LARS2: variants seen among roughly 807,000 people sequenced by gnomAD.
LARS2 encodes leucyl-tRNA synthetase 2, mitochondrial.
Under a neutral mutation model 116.6 loss-of-function variants are expected in LARS2, and 81 were observed. The observed-to-expected ratio is 0.69, with a 90% CI of 0.58 to 0.84. LARS2 has a LOEUF of 0.84. Ranked by LOEUF, LARS2 falls within the 40% of genes least tolerant of loss-of-function variation. The probability of loss-of-function intolerance (pLI) is 0.00; values close to 1 mark genes in which losing one functional copy is unlikely to be tolerated. For missense variants in LARS2, 968 were observed against 1,114.5 expected (o/e 0.87, Z 1.87); for synonymous variants, 396 against 407.2 (o/e 0.97, Z 0.33).
chr3:45,536,389 G>A (rs902569390), intron 20 of LARS2, among the ~76,000 whole-genome samples: 6 of 152,200 alleles, frequency 3.9e-5, no homozygotes, highest in East Asian at 1.9e-4. Context: ...GATTATAGGC[G>A]TGAGCCACCA....
rs145900417 is a variant in LARS2, at chr3:45,491,896, C to T, written c.1523+96C>T. On this transcript the variant is annotated intron_variant, in intron 13 of 21. Coordinates refer to ENST00000645846, the MANE Select transcript of LARS2 (RefSeq NM_015340.4). ...CCTCCCTCCTGGTGCTAACTCTGCT[C>T]CCTTTTTCCCTGACTTCCATGAGGC... 6.3e-4 allele frequency: 748 copies of T among 1,183,056 alleles called. 2 individuals carry two copies. In the Middle Eastern group the frequency reaches 0.013, roughly 20 times the overall value. 73.3% of individuals were successfully genotyped at this position (1,183,056 alleles called of 1,614,324 possible). A position where few individuals can be genotyped will look rare whatever the true frequency, so the allele number is the denominator to read the frequency against.
At chr3:45,495,964 A>G (rs953526035) in intron 13 of LARS2, among the ~76,000 whole-genome samples, 4 of 151,952 alleles carry the variant, frequency 2.6e-5, no homozygotes, top group Non-Finnish European at 4.4e-5. Flanking sequence ...GGTTCAAGCC[A>G]TTCTCCTACC....
chr3:45,539,411 G>A (rs917126089), intron 20 of LARS2, among the ~76,000 whole-genome samples: 1 of 152,056 alleles, frequency 6.6e-6, no homozygotes, highest in Non-Finnish European at 1.5e-5. Flanking sequence ...CAGGCGGATC[G>A]CTTGAGGCCA....
intron 6 of LARS2, among the ~76,000 whole-genome samples, chr3:45,443,373 G>A (rs570367618): frequency 9.9e-5 from 15 of 152,280 alleles, no homozygotes; most frequent in Admixed American, 7.8e-4. Flanking sequence ...AGCTGTTTTT[G>A]TTTTGCTTTG....
At chr3:45,507,726 A>G (rs1020877644) in intron 15 of LARS2, among the ~76,000 whole-genome samples, 1 of 152,134 alleles carries the variant, frequency 6.6e-6, no homozygotes, top group African/African-American at 2.4e-5. Flanking sequence ...ACAAGCACAT[A>G]TATACACATA....
At chr3:45,514,260 C>G (rs1700337753) in intron 16 of LARS2, among the ~76,000 whole-genome samples, 1 of 151,888 alleles carries the variant, frequency 6.6e-6, no homozygotes, top group Admixed American at 6.6e-5. Flanking sequence ...TACATAGGGA[C>G]AGCTGTGAGA....
At chr3:45,471,040 T>TAAAAAAAAA (rs55749404) in intron 8 of LARS2, among the ~76,000 whole-genome samples, 4 of 43,854 alleles carry the variant, frequency 9.1e-5, no homozygotes, top group Admixed American at 2.9e-4. Context: ...ATTACAACAC[T>TAAAAAAAAA]AAAAAAAAAA....
chr3:45,438,683 AT>A (rs1698847637), intron 6 of LARS2, among the ~76,000 whole-genome samples: 2 of 109,506 alleles, frequency 1.8e-5, no homozygotes, highest in South Asian at 3.1e-4. Flanking sequence ...AAAAAAAAAA[AT>A]TTTAGCCAGG....
At chr3:45,513,053 C>A in intron 15 of LARS2, 82 bp from the exon 16 acceptor site, 1 of 932,988 alleles carries the variant, frequency 1.1e-6, no homozygotes, top group Non-Finnish European at 1.8e-6. Flanking sequence ...TTCTGCCCAT[C>A]CGAGGGAAGG....
At chr3:45,508,233 A>C (rs1410010943) in intron 15 of LARS2, among the ~76,000 whole-genome samples, 1 of 152,090 alleles carries the variant, frequency 6.6e-6, no homozygotes, top group South Asian at 2.1e-4. Context: ...TGAGAAGGGC[A>C]GGCCGCCTGC....
chr3:45,469,987 G>A (rs1345628322), intron 8 of LARS2, among the ~76,000 whole-genome samples: 1 of 152,098 alleles, frequency 6.6e-6, no homozygotes, highest in Admixed American at 6.6e-5. Context: ...GTTCAATCTT[G>A]TGTCTTCCAT....
At chr3:45,510,260 A>C (rs151020810) in intron 15 of LARS2, among the ~76,000 whole-genome samples, 4 of 151,952 alleles carry the variant, frequency 2.6e-5, no homozygotes, top group African/African-American at 9.7e-5. Flanking sequence ...CAAAAATACA[A>C]AAAATTAGCT....
intron 13 of LARS2, 63 bp downstream of exon 13, chr3:45,491,863 G>C (rs768210296): frequency 4.1e-6 from 6 of 1,480,650 alleles, no homozygotes; most frequent in Non-Finnish European, 5.6e-6. Context: ...TAGGGCTTCA[G>C]ACAGCCTCCT....
intron 21 of LARS2, among the ~76,000 whole-genome samples, chr3:45,542,606 C>T (rs1700815074): frequency 2.0e-5 from 3 of 152,210 alleles, no homozygotes; most frequent in Non-Finnish European, 2.9e-5. Context: ...CTTGGAACCA[C>T]ATGTCTCCCC....
intron 8 of LARS2, among the ~76,000 whole-genome samples, chr3:45,473,134 C>T (rs1190149883): frequency 2.0e-5 from 3 of 152,178 alleles, no homozygotes; most frequent in Non-Finnish European, 4.4e-5. Flanking sequence ...CCAACATTTC[C>T]CTGTGCCATA....
intron 20 of LARS2, among the ~76,000 whole-genome samples, chr3:45,528,793 G>T (rs1349439857): frequency 6.6e-6 from 1 of 151,862 alleles, no homozygotes; most frequent in Non-Finnish European, 1.5e-5. Flanking sequence ...TAAGCGAGAG[G>T]TCATCTTATA....
intron 15 of LARS2, among the ~76,000 whole-genome samples, chr3:45,502,092 T>G (rs1020379697): frequency 6.6e-6 from 1 of 152,092 alleles, no homozygotes; most frequent in Admixed American, 6.6e-5. Context: ...AACAATCCAA[T>G]TATACTCTTT....
intron 20 of LARS2, among the ~76,000 whole-genome samples, chr3:45,539,998 C>A (rs1036749978): frequency 6.6e-6 from 1 of 152,074 alleles, no homozygotes; most frequent in African/African-American, 2.4e-5. Flanking sequence ...GGGTTGGGTG[C>A]GGTGGCTCAC....
intron 15 of LARS2, among the ~76,000 whole-genome samples, chr3:45,505,502 G>A (rs1366345636): frequency 2.0e-5 from 3 of 151,084 alleles, no homozygotes; most frequent in Admixed American, 1.3e-4. Context: ...CCTAGGCAAC[G>A]TAGTGAGACT....
Sources: gnomAD v4.1 joint callset for allele counts (sites outside exome capture counted in the v4.1 genomes callset) on GRCh38, gnomAD v4.1.1 for gene constraint, MANE v1.5 for transcripts, NCBI Gene and HGNC (gene_info 2026-07-23, HGNC 2026-07-21) for gene names.